RBBP6: variants seen among roughly 807,000 people sequenced by gnomAD.
RBBP6 encodes E3 ubiquitin-protein ligase RBBP6.
In RBBP6, 25 loss-of-function variants were observed where a neutral mutation model predicts 167.7. The ratio of observed to expected loss-of-function variants is 0.15; its 90% CI spans 0.11 to 0.21. The LOEUF (loss-of-function observed/expected upper bound fraction) is 0.21, where lower values mean the gene tolerates loss of function less well. Among genes scored for constraint, RBBP6 ranks in the 10% least tolerant of loss-of-function variants. The pLI is 1.00. For missense variants in RBBP6, 1,868 were observed against 2,134.2 expected, an observed-to-expected ratio of 0.88 and a Z score of 2.46; for synonymous variants, 789 against 735.8, an observed-to-expected ratio of 1.07 and a Z score of -1.17.
chr16:24,569,826 G>A lies in RBBP6; in HGVS notation c.3136G>A (p.Asp1046Asn). The A allele has an allele frequency of 6.2e-7, 1 of 1,611,942 alleles. No individual in the cohort carries two copies. Among genetic ancestry groups the A allele is most frequent in the Non-Finnish European group, 8.5e-7 (1 of 1,179,528 alleles). The change falls in exon 17 of 18, where the codon GAT becomes AAT. Residue 1046 changes from aspartate (D) to asparagine (N), a missense_variant. By Grantham distance (23) the Asp-to-Asn change is conservative (BLOSUM62 1). This residue lies in a region of RBBP6 where 673 missense variants were observed against 691.5 expected (regional missense o/e 0.97). Coordinates refer to ENST00000319715, the MANE Select transcript of RBBP6 (RefSeq NM_006910.5). ...KPAKGPQEKV[D>N]GERERSPRSE... ...TGCTAAAGGACCCCAAGAAAAAGTA[G>A]ATGGAGAACGTGAGAGATCTCCTCG... is the stretch of plus-strand genomic sequence containing the variant.
intron 15 of RBBP6, 129 bp downstream of exon 15, chr16:24,567,634 G>T (rs1899227378): frequency 3.8e-6 from 5 of 1,314,552 alleles, no homozygotes; most frequent in Non-Finnish European, 5.2e-6. Context: ...TTAAACCAAA[G>T]CCATACAAGC....
At chr16:24,541,192 A>C (rs542055412) in intron 1 of RBBP6, among the ~76,000 whole-genome samples, 6 of 131,930 alleles carry the variant, frequency 4.5e-5, no homozygotes, top group Non-Finnish European at 9.4e-5. Flanking sequence ...AAAAAAAAAA[A>C]CAAAAAAAAA....
intron 10 of RBBP6, 50 bp downstream of exon 10, chr16:24,562,211 T>C (rs752035459): frequency 4.0e-6 from 6 of 1,484,274 alleles, no homozygotes; most frequent in African/African-American, 1.4e-5. Context: ...GTCAATGATG[T>C]AGTGTTTTGT....
At chr16:24,550,958 G>A (rs956581983) in intron 3 of RBBP6, among the ~76,000 whole-genome samples, 3 of 151,772 alleles carry the variant, frequency 2.0e-5, no homozygotes, top group Non-Finnish European at 4.4e-5. Flanking sequence ...AAATAGAGGC[G>A]CTAAGCCAAA....
intron 8 of RBBP6, among the ~76,000 whole-genome samples, chr16:24,560,949 A>G (rs970984738): frequency 6.6e-6 from 1 of 152,228 alleles, no homozygotes; most frequent in Non-Finnish European, 1.5e-5. Context: ...ACCAAGGTCA[A>G]GAAGAGGTTG....
chr16:24,569,009 T>C lies in RBBP6; in HGVS notation c.2319T>C (p.Pro773=). 1 of 1,614,182 alleles carries C rather than the reference T, an allele frequency of 6.2e-7. No individual in the cohort carries two copies. Among genetic ancestry groups the C allele is most frequent in the Middle Eastern group, 1.6e-4 (1 of 6,062 alleles). Reference sequence around the variant, plus strand: ...GCTATCATTCACGATCAAGATCTCCTCAAGCGTTTAGGGGACAGTCTCCTA... The same window carrying C: ...GCTATCATTCACGATCAAGATCTCCCCAAGCGTTTAGGGGACAGTCTCCTA... ...YRRYHSRSRS[P]QAFRGQSPNK... The change falls in exon 17 of 18, where the codon CCT becomes CCC. Residue 773 remains proline (P), a synonymous_variant. Transcript: ENST00000319715.
intron 17 of RBBP6, 134 bp from the exon 18 acceptor site, chr16:24,570,742 G>A: frequency 1.2e-6 from 1 of 857,908 alleles, no homozygotes. Flanking sequence ...TCTTCCTTAG[G>A]GCAGAATAAG....
chr16:24,566,293 A>G (rs998792693), intron 14 of RBBP6, among the ~76,000 whole-genome samples: 4 of 152,222 alleles, frequency 2.6e-5, no homozygotes, highest in African/African-American at 9.7e-5. Flanking sequence ...TGAGGCACAA[A>G]TTAGAAACTT....
At position 24,539,632 on chromosome 16, in the gene RBBP6, C is replaced by A. The variant is rs935204008; in HGVS notation, c.-995C>A. 6.6e-6 allele frequency: 1 copy of A among 152,178 alleles called. No homozygotes were observed. Among genetic ancestry groups the A allele is most frequent in the African/African-American group, 2.4e-5 (1 of 41,442 alleles). The allele number at this position is 152,178 out of a possible 1,614,324, so 9.4% of individuals were successfully genotyped here. ...GTACCTGGCTTGGAGGTGTCGCCGC[C>A]GCTCGGTGAGAGCCCCCGAGCGGCA... is the stretch of plus-strand genomic sequence containing the variant. On this transcript the variant is annotated 5_prime_UTR_variant, in exon 1 of 18. Transcript: ENST00000319715.
Position 24,556,245 on chromosome 16 carries a change from A to G in RBBP6, c.535-63A>G, listed in dbSNP as rs575669658. 7 of 1,345,122 alleles carry G rather than the reference A, an allele frequency of 5.2e-6. No individual in the cohort carries two copies. The African/African-American group carries it at 8.8e-5, about 17-fold the overall frequency. The allele number at this position is 1,345,122 out of a possible 1,614,324, so 83.3% of individuals were successfully genotyped here. A position where few individuals can be genotyped will look rare whatever the true frequency, so the allele number is the denominator to read the frequency against. ...AGTAAGCACTGTATAACATTAGCTA[A>G]TTTATTAAATAAAGATAACTGCTTT... On this transcript the variant is annotated intron_variant, in intron 6 of 17. Transcript: ENST00000319715.
chr16:24,544,809 C>G (rs1371807994), intron 1 of RBBP6, among the ~76,000 whole-genome samples: 1 of 152,090 alleles, frequency 6.6e-6, no homozygotes, highest in African/African-American at 2.4e-5. Flanking sequence ...CTTGGTTTTC[C>G]CAGAAGGTGA....
rs1899274114 is a variant in RBBP6 at position 24,569,490 on chromosome 16, A to C, written c.2800A>C (p.Lys934Gln). 1.9e-6 allele frequency: 3 copies of C among 1,609,502 alleles called. No individual in the cohort carries two copies. The East Asian group carries it at 6.7e-5, about 36-fold the overall frequency. The change falls in exon 17 of 18, where the codon AAG becomes CAG. Residue 934 changes from lysine (K) to glutamine (Q), a missense_variant. Physicochemically the swap from Lys to Gln is moderately conservative, Grantham distance 53. Coordinates refer to ENST00000319715, the MANE Select transcript of RBBP6 (RefSeq NM_006910.5). ...AGGAGATGGTAAAGGAAATAAGCAT[A>C]AGAAACACAGAAAAAGAAGAAAAGG... is the stretch of plus-strand genomic sequence containing the variant. The part of the protein sequence containing the change: ...APGDGKGNKH[K>Q]KHRKRRKGEE...
intron 2 of RBBP6, 37 bp from the exon 3 acceptor site, chr16:24,548,908 A>G (rs780670947): frequency 1.3e-6 from 2 of 1,516,676 alleles, no homozygotes; most frequent in African/African-American, 1.4e-5. Context: ...ATTCATAAAT[A>G]GCTAATGTTA....
intron 8 of RBBP6, among the ~76,000 whole-genome samples, chr16:24,561,341 C>T (rs1899049987): frequency 6.6e-6 from 1 of 152,020 alleles, no homozygotes; most frequent in Non-Finnish European, 1.5e-5. Context: ...TTCTCCTGTC[C>T]CAGCCTCCCC....
chr16:24,547,021 G>T (rs1032014691), intron 2 of RBBP6, among the ~76,000 whole-genome samples: 1 of 152,212 alleles, frequency 6.6e-6, no homozygotes, highest in African/African-American at 2.4e-5. Context: ...TGCAATTTCA[G>T]TAGTGATAGC....
At chr16:24,549,187 C>T in intron 3 of RBBP6, 1 of 1,426,504 alleles carries the variant, frequency 7.0e-7, no homozygotes. Context: ...GTAATTTGTG[C>T]CCGTAACACT....
In RBBP6 at chr16:24,568,700, G is replaced by A. The variant is rs771756829; in HGVS notation, c.2055-45G>A. 3.9e-6 allele frequency: 6 copies of A among 1,549,798 alleles called. 1 individual carries two copies. In the Admixed American group the frequency reaches 5.8e-5, roughly 15 times the overall value. On this transcript the variant is annotated intron_variant, in intron 16 of 17. Transcript: ENST00000319715. ...AATCTGAGAGTCTGTGTTTTATTTT[G>A]TATGTATTTCTCAACTATCAACTAT... is the stretch of plus-strand genomic sequence containing the variant.
intron 2 of RBBP6, among the ~76,000 whole-genome samples, chr16:24,548,043 T>TA (rs1383828731): frequency 2.0e-5 from 3 of 150,802 alleles, no homozygotes; most frequent in South Asian, 2.1e-4. Context: ...GTTTTTTTTT[T>TA]ATCTCAAATT....
chr16:24,543,530 G>C (rs1215875672), intron 1 of RBBP6, among the ~76,000 whole-genome samples: 2 of 151,912 alleles, frequency 1.3e-5, no homozygotes, highest in Non-Finnish European at 2.9e-5. Flanking sequence ...CTGAGCCCAA[G>C]TGTTCTCCTG....
Sources: allele counts gnomAD v4.1 joint callset (sites outside exome capture counted in the v4.1 genomes callset), GRCh38; gene constraint gnomAD v4.1.1; regional missense constraint gnomAD v4.1.1; transcripts MANE v1.5; gene names NCBI Gene and HGNC (gene_info 2026-07-23, HGNC 2026-07-21).